The following DLGAP2 variants were observed in gnomAD, a reference collection of about 807,000 sequenced individuals.
The protein encoded by DLGAP2 is disks large-associated protein 2.
In DLGAP2, 26 loss-of-function variants were observed where a neutral mutation model predicts 100.3. The ratio of observed to expected loss-of-function variants is 0.26; its 90% CI spans 0.19 to 0.36. DLGAP2 has a LOEUF of 0.36. DLGAP2 is among the 10% of genes least tolerant of loss of function. The pLI is 1.00. For synonymous variants in DLGAP2, 886 were observed against 630.1 expected (o/e 1.41, Z -6.08); for missense variants, 1,858 against 1,453.2 (o/e 1.28, Z -4.53).
At chr8:1,235,046 T>C (rs1275376939) in intron 2 of DLGAP2, among the ~76,000 whole-genome samples, 2 of 151,830 alleles carry the variant, frequency 1.3e-5, no homozygotes, top group Non-Finnish European at 2.9e-5. Context: ...CATGGCGCCA[T>C]GTCTAGTTCT....
chr8:857,785 C>G (rs889891668), intron 1 of DLGAP2, among the ~76,000 whole-genome samples: 5 of 152,292 alleles, frequency 3.3e-5, no homozygotes, highest in Admixed American at 6.5e-5. Flanking sequence ...TACAACAGTG[C>G]ACATTTGCCA....
rs560379531 is a variant in DLGAP2 at position 1,521,380 on chromosome 8, C to T, written c.172+19949C>T. Among the ~76,000 whole-genome samples the T allele has an allele frequency of 3.9e-4, 17 of 43,640 alleles. 1 individual carries two copies. The highest frequency in any genetic ancestry group is 1.0e-3 in the African/African-American group (15 of 14,314). 28.6% of individuals were successfully genotyped at this position (43,640 alleles called of 152,430 possible). On this transcript the variant is annotated intron_variant, in intron 4 of 14. Transcript: ENST00000637795. ...CACACTTGTTTTAATTTGGAATACTCGGGGGCAGGTGATATGGAGCGTCTC... is the reference window on the plus strand; with the variant it reads ...CACACTTGTTTTAATTTGGAATACTTGGGGGCAGGTGATATGGAGCGTCTC...
At position 1,626,816 on chromosome 8, in the gene DLGAP2, A is replaced by G. The variant is rs1035803001; in HGVS notation, c.1519A>G (p.Lys507Glu). 3.7e-6 allele frequency: 6 copies of G among 1,605,876 alleles called. No homozygotes were observed. In the East Asian group the frequency reaches 1.3e-4, roughly 36 times the overall value. The change falls in exon 7 of 15, where the codon AAA (lysine) becomes GAA (glutamate). Residue 507 changes from lysine to glutamate, a missense_variant. Physicochemically the swap from Lys to Glu is moderately conservative, Grantham distance 56 (BLOSUM62 1). Transcript: ENST00000637795. ...CCCCGCTGCGAACTACAACTCCCCG[A>G]AATTCCGCTCCCGGAACCAGAGCTA... ...LDPAANYNSP[K>E]FRSRNQSYMR... is the part of the protein sequence containing the mutation.
At chr8:904,428 A>G (rs1000811575) in intron 1 of DLGAP2, among the ~76,000 whole-genome samples, 2 of 152,110 alleles carry the variant, frequency 1.3e-5, no homozygotes, top group African/African-American at 2.4e-5. Flanking sequence ...GCTGAGGCAG[A>G]AGAATCACTT....
rs765527649 is a variant in DLGAP2, at chr8:1,691,559, T to G, written c.2729T>G (p.Val910Gly). ...EEILGKIRSA[V>G]GSAQLLMSQK... ...GTTCTCGGTAAAATCAGGAGTGCTGTTGGGAGTGCCCAGCTTCTCATGTCC... is the reference window on the plus strand; with the variant it reads ...GTTCTCGGTAAAATCAGGAGTGCTGGTGGGAGTGCCCAGCTTCTCATGTCC... The change falls in exon 13 of 15, where the codon GTT becomes GGT. Residue 910 changes from valine to glycine, a missense_variant. Val to Gly is a moderately radical substitution (Grantham distance 109). Coordinates refer to ENST00000637795, the MANE Select transcript of DLGAP2 (RefSeq NM_001346810.2). 1 of 1,614,182 alleles carries G rather than the reference T, an allele frequency of 6.2e-7. No individual in the cohort carries two copies. Among genetic ancestry groups the G allele is most frequent in the Non-Finnish European group, 8.5e-7 (1 of 1,180,006 alleles).
At chr8:1,047,604 A>G (rs991697344) in intron 2 of DLGAP2, among the ~76,000 whole-genome samples, 1 of 152,142 alleles carries the variant, frequency 6.6e-6, no homozygotes, top group Admixed American at 6.5e-5. Context: ...GAAGGCCAAG[A>G]TCAAGACACT....
At chr8:1,420,849 C>T (rs763066834) in intron 3 of DLGAP2, among the ~76,000 whole-genome samples, 4 of 152,164 alleles carry the variant, frequency 2.6e-5, no homozygotes, top group African/African-American at 9.7e-5. Flanking sequence ...AGAGGTGCTT[C>T]CCCATCTGCG....
chr8:1,204,495 A>G (rs768785883), intron 2 of DLGAP2, among the ~76,000 whole-genome samples: 6 of 152,218 alleles, frequency 3.9e-5, no homozygotes, highest in Non-Finnish European at 8.8e-5. Context: ...ACCTTCATCT[A>G]TTCGATCTTA....
intron 3 of DLGAP2, among the ~76,000 whole-genome samples, chr8:1,275,232 C>A (rs1230783366): frequency 6.6e-6 from 1 of 152,096 alleles, no homozygotes; most frequent in African/African-American, 2.4e-5. Context: ...CCTTTACGGT[C>A]ACATGGTCCA....
At position 1,084,460 on chromosome 8, in the gene DLGAP2, C is replaced by T. The variant is rs544573533; in HGVS notation, c.74-174391C>T. On this transcript the variant is annotated intron_variant, in intron 2 of 14. Transcript: ENST00000637795. ...CAATAATTAGCTGTACTCAGCATGC[C>T]GTGCTATTGATCTAGAGACAGACTT... is the stretch of plus-strand genomic sequence containing the variant. Among the ~76,000 whole-genome samples, 13 of 152,260 alleles carry T rather than the reference C, an allele frequency of 8.5e-5. No individual in the cohort carries two copies. In the South Asian group the frequency reaches 1.9e-3, roughly 22 times the overall value.
At chr8:1,550,597 C>T (rs377219260) in intron 5 of DLGAP2, among the ~76,000 whole-genome samples, 1 of 152,168 alleles carries the variant, frequency 6.6e-6, no homozygotes, top group Non-Finnish European at 1.5e-5. Flanking sequence ...AAGCACCCCC[C>T]ACTACAAAAA....
intron 2 of DLGAP2, among the ~76,000 whole-genome samples, chr8:1,044,790 C>T (rs982433565): frequency 4.6e-5 from 7 of 152,190 alleles, no homozygotes; most frequent in Non-Finnish European, 1.0e-4. Context: ...AAGAGCTACC[C>T]CAGATCTTAC....
chr8:912,064 C>A (rs534500798), intron 2 of DLGAP2, among the ~76,000 whole-genome samples: 1 of 152,334 alleles, frequency 6.6e-6, no homozygotes, highest in East Asian at 1.9e-4. Context: ...CTGCCTCACA[C>A]AGCCTTTATC....
At chr8:877,441 C>G (rs999303214) in intron 1 of DLGAP2, among the ~76,000 whole-genome samples, 1 of 152,184 alleles carries the variant, frequency 6.6e-6, no homozygotes, top group African/African-American at 2.4e-5. Context: ...GACCCCCTTA[C>G]CTGGTTGACA....
intron 6 of DLGAP2, among the ~76,000 whole-genome samples, chr8:1,567,300 G>A (rs962548854): frequency 2.6e-5 from 4 of 152,194 alleles, no homozygotes; most frequent in Non-Finnish European, 5.9e-5. Flanking sequence ...TATCTGAAAC[G>A]TCTTCTGGGG....
intron 2 of DLGAP2, among the ~76,000 whole-genome samples, chr8:1,122,078 A>G (rs1272586692): frequency 6.6e-6 from 1 of 152,138 alleles, no homozygotes; most frequent in Non-Finnish European, 1.5e-5. Flanking sequence ...CCATTGAGCC[A>G]GAGATTGCAC....
At position 1,646,950 on chromosome 8, in the gene DLGAP2, G is replaced by A. The variant is rs539771153; in HGVS notation, c.1810+13904G>A. Reference sequence around the variant, plus strand: ...GAAAGGCCAGAGAAGCGTCGGAAAGGCCAGGGCACAGGGCAGAGGCAGAGG... The same window carrying A: ...GAAAGGCCAGAGAAGCGTCGGAAAGACCAGGGCACAGGGCAGAGGCAGAGG... On this transcript the variant is annotated intron_variant, in intron 8 of 14. Transcript: ENST00000637795. Among the ~76,000 whole-genome samples, 6 of 152,324 alleles carry A rather than the reference G, an allele frequency of 3.9e-5. No homozygotes were observed. In the South Asian group the frequency reaches 8.3e-4, roughly 21 times the overall value.
chr8:1,441,038 G>A (rs988998617), intron 3 of DLGAP2, among the ~76,000 whole-genome samples: 1 of 152,178 alleles, frequency 6.6e-6, no homozygotes, highest in Non-Finnish European at 1.5e-5. Flanking sequence ...AACATTTGTG[G>A]TTGTGTTTTC....
intron 3 of DLGAP2, among the ~76,000 whole-genome samples, chr8:1,460,899 G>A (rs117861937): frequency 1.3e-5 from 2 of 152,298 alleles, no homozygotes; most frequent in East Asian, 1.9e-4. Context: ...TCTTTGGGTC[G>A]GTAGGGATCA....
Sources: gnomAD v4.1 joint callset for allele counts (sites outside exome capture counted in the v4.1 genomes callset) on GRCh38, gnomAD v4.1.1 for gene constraint, MANE v1.5 for transcripts, NCBI Gene and HGNC (gene_info 2026-07-23, HGNC 2026-07-21) for gene names.